IREB2: variants seen among roughly 807,000 people sequenced by gnomAD.
The protein encoded by IREB2 is iron responsive element binding protein 2.
Under a neutral mutation model 118.8 loss-of-function variants are expected in IREB2, and 39 were observed. That is an observed-to-expected ratio of 0.33 (90% CI 0.25 to 0.43). IREB2 has a LOEUF of 0.43. Among genes scored for constraint, IREB2 ranks in the 20% least tolerant of loss-of-function variants. The probability of loss-of-function intolerance (pLI) is 1.00; values close to 1 mark genes in which losing one functional copy is unlikely to be tolerated. For synonymous variants in IREB2, 372 were observed against 392.2 expected (o/e 0.95, Z 0.61); for missense variants, 900 against 1,147.3 (o/e 0.78, Z 3.11).
Position 78,499,858 on chromosome 15 carries a change from T to G in IREB2, c.*1715T>G, listed in dbSNP as rs965068240. 1 of 152,198 alleles carries G rather than the reference T, an allele frequency of 6.6e-6. No homozygotes were observed. The highest frequency in any genetic ancestry group is 2.4e-5 in the African/African-American group (1 of 41,430). 9.4% of individuals were successfully genotyped at this position (152,198 alleles called of 1,614,324 possible). A position where few individuals can be genotyped will look rare whatever the true frequency, so the allele number is the denominator to read the frequency against. ...CAGGGGGAAACAAATCTATTTTGTT[T>G]TGTTTTGTTTTTTGAGACGGAGTCT... is the stretch of plus-strand genomic sequence containing the variant. On this transcript the variant is annotated 3_prime_UTR_variant, in exon 22 of 22. Transcript: ENST00000258886.
At position 78,465,530 on chromosome 15, in the gene IREB2, C is replaced by G. The variant is rs144613688; in HGVS notation, c.410+142C>G. ...ATTGGCTAGTATATAAAAGCTAAAA[C>G]TGGTGAAAAGTTTATGGAGTGGTGG... On this transcript the variant is annotated intron_variant, in intron 4 of 21. Coordinates refer to ENST00000258886, the MANE Select transcript of IREB2 (RefSeq NM_004136.4). The G allele has an allele frequency of 9.7e-3, 7,151 of 736,150 alleles. 55 individuals are homozygous for G. The highest frequency in any genetic ancestry group is 0.024 in the Middle Eastern group (62 of 2,534). The allele number at this position is 736,150 out of a possible 1,614,324, so 45.6% of individuals were successfully genotyped here. A position where few individuals can be genotyped will look rare whatever the true frequency, so the allele number is the denominator to read the frequency against.
chr15:78,499,197 T>C lies in IREB2; in HGVS notation c.*1054T>C, dbSNP rs1314588009. 1 of 152,262 alleles carries C rather than the reference T, an allele frequency of 6.6e-6. No homozygotes were observed. Among genetic ancestry groups the C allele is most frequent in the Non-Finnish European group, 1.5e-5 (1 of 68,038 alleles). 9.4% of individuals were successfully genotyped at this position (152,262 alleles called of 1,614,324 possible). On this transcript the variant is annotated 3_prime_UTR_variant, in exon 22 of 22. Transcript: ENST00000258886. ...ATGCATGATTCTATTAATTTTGTTA[T>C]GTTACTGTTTTAACCAAAGCTGACC... is the stretch of plus-strand genomic sequence containing the variant.
At chr15:78,443,531 CTA>C (rs2050878553) in intron 2 of IREB2, among the ~76,000 whole-genome samples, 1 of 152,066 alleles carries the variant, frequency 6.6e-6, no homozygotes, top group Non-Finnish European at 1.5e-5. Context: ...CAGGGTATCT[CTA>C]TGGAAGTGGG....
intron 1 of IREB2, chr15:78,438,579 G>A: frequency 3.5e-6 from 2 of 568,078 alleles, no homozygotes; most frequent in Non-Finnish European, 6.3e-6. Context: ...CCGCAGGGCG[G>A]GCCACCCCAC....
intron 5 of IREB2, among the ~76,000 whole-genome samples, chr15:78,467,804 C>G (rs1047027958): frequency 3.3e-5 from 5 of 152,112 alleles, no homozygotes; most frequent in African/African-American, 4.8e-5. Flanking sequence ...CCATGCTGGT[C>G]TCAAACTCTT....
Position 78,462,961 on chromosome 15 carries a change from C to T in IREB2, c.146C>T (p.Ala49Val), listed in dbSNP as rs1292928397. Residue 49 changes from alanine to valine, a missense_variant, in exon 3 of 22, where the codon GCT (alanine) becomes GTT (valine). By Grantham distance (64) the Ala-to-Val change is moderately conservative (BLOSUM62 0). Coordinates refer to ENST00000258886, the MANE Select transcript of IREB2 (RefSeq NM_004136.4). ...PYSIRVLLEA[A>V]VRNCDGFLMK... ...TCAATACGGGTCTTGTTGGAAGCTGCTGTACGAAATTGTGATGGCTTTTTA... is the reference window on the plus strand; with the variant it reads ...TCAATACGGGTCTTGTTGGAAGCTGTTGTACGAAATTGTGATGGCTTTTTA... The T allele has an allele frequency of 1.2e-6, 2 of 1,612,558 alleles. No homozygotes were observed. The highest frequency in any genetic ancestry group is 2.7e-5 in the African/African-American group (2 of 74,928).
intron 2 of IREB2, among the ~76,000 whole-genome samples, chr15:78,452,881 TACTC>T (rs981923258): frequency 3.3e-5 from 5 of 152,220 alleles, no homozygotes; most frequent in African/African-American, 9.6e-5. Flanking sequence ...GACAGTTTAT[TACTC>T]ACAGCAAAGC....
chr15:78,490,583 G>A (rs759323578), intron 17 of IREB2, 36 bp from the exon 18 acceptor site: 3 of 1,611,182 alleles, frequency 1.9e-6, no homozygotes, highest in East Asian at 2.2e-5. Context: ...AAGAAGTCTT[G>A]TAAAGAGTTA....
rs769183463 is a variant in IREB2 at position 78,498,138 on chromosome 15, T to C, written c.2887T>C (p.Ser963Pro). 8 of 1,549,506 alleles carry C rather than the reference T, an allele frequency of 5.2e-6. No homozygotes were observed. Among genetic ancestry groups the C allele is most frequent in the East Asian group, 2.2e-5 (1 of 44,574 alleles). ...ATTAAACTTTGTGGCACGAAAATTC[T>C]CATAGTATCTACTTACCATAGATAC... ...GLLNFVARKF[S>P] The change falls in exon 22 of 22, where the codon TCA becomes CCA. Residue 963 changes from serine to proline, a missense_variant. Physicochemically the swap from Ser to Pro is moderately conservative, Grantham distance 74 (BLOSUM62 -1). Transcript: ENST00000258886.
chr15:78,454,892 A>G (rs1407404692), intron 2 of IREB2, among the ~76,000 whole-genome samples: 2 of 152,044 alleles, frequency 1.3e-5, no homozygotes, highest in Non-Finnish European at 2.9e-5. Flanking sequence ...TGATCTTGTT[A>G]TGTTGCCCAG....
At chr15:78,459,684 G>C (rs900646271) in intron 2 of IREB2, among the ~76,000 whole-genome samples, 41 of 152,288 alleles carry the variant, frequency 2.7e-4, no homozygotes, top group African/African-American at 9.4e-4. Context: ...TTCGTATTCA[G>C]ATTTTTCTGG....
At chr15:78,446,899 G>T (rs2050938719) in intron 2 of IREB2, among the ~76,000 whole-genome samples, 1 of 143,490 alleles carries the variant, frequency 7.0e-6, no homozygotes, top group Non-Finnish European at 1.5e-5. Context: ...ACCAGTGAAT[G>T]AGAAGAATAT....
At chr15:78,479,120 A>G (rs1210751118) in intron 10 of IREB2, among the ~76,000 whole-genome samples, 1 of 151,630 alleles carries the variant, frequency 6.6e-6, no homozygotes, top group Admixed American at 6.6e-5. Context: ...TTTTTTTAAT[A>G]TTATTATTTT....
chr15:78,440,358 CTCTTT>C (rs963901567), intron 2 of IREB2, among the ~76,000 whole-genome samples: 4 of 142,234 alleles, frequency 2.8e-5, no homozygotes, highest in African/African-American at 7.7e-5. Context: ...ATTTTATTTT[CTCTTT>C]TCTTTTCTTT....
intron 2 of IREB2, among the ~76,000 whole-genome samples, chr15:78,448,478 AG>A (rs1203166805): frequency 6.6e-6 from 1 of 152,202 alleles, no homozygotes; most frequent in East Asian, 1.9e-4. Context: ...GAGAAAAAAA[AG>A]GTCAGAATTT....
intron 2 of IREB2, among the ~76,000 whole-genome samples, chr15:78,455,734 A>C (rs2051095309): frequency 6.6e-6 from 1 of 152,248 alleles, no homozygotes; most frequent in South Asian, 2.1e-4. Flanking sequence ...TCTGCCCCTT[A>C]GTCCTAAATA....
At chr15:78,453,024 A>G (rs898973409) in intron 2 of IREB2, among the ~76,000 whole-genome samples, 2 of 152,258 alleles carry the variant, frequency 1.3e-5, no homozygotes, top group Admixed American at 6.5e-5. Flanking sequence ...ACTGTGGCTT[A>G]GGAAACCCAA....
chr15:78,484,736 T>C, intron 11 of IREB2, 25 bp from the exon 12 acceptor site: 1 of 1,579,544 alleles, frequency 6.3e-7, no homozygotes, highest in South Asian at 1.1e-5. Flanking sequence ...ATATTTAGTT[T>C]ATATTTTTGT....
intron 20 of IREB2, among the ~76,000 whole-genome samples, chr15:78,496,656 C>T (rs1158871141): frequency 1.3e-5 from 2 of 152,032 alleles, no homozygotes; most frequent in Non-Finnish European, 2.9e-5. Flanking sequence ...CTCAAACTCC[C>T]GGCCTCAAAT....
Sources: allele counts gnomAD v4.1 joint callset (sites outside exome capture counted in the v4.1 genomes callset), GRCh38; gene constraint gnomAD v4.1.1; transcripts MANE v1.5; gene names NCBI Gene and HGNC (gene_info 2026-07-23, HGNC 2026-07-21).